Variants in HDAC1 observed in about 807,000 individuals in gnomAD.
HDAC1 encodes the protein protein deacetylase HDAC1.
A neutral mutation model predicts 65.5 loss-of-function variants in HDAC1; 18 were observed. The observed-to-expected ratio is 0.27, with a 90% confidence interval of 0.19 to 0.41. HDAC1 has a LOEUF of 0.41. HDAC1 is among the 10% of genes least tolerant of loss of function. HDAC1 has a pLI of 1.00. For missense variants in HDAC1, 373 were observed against 625.2 expected (o/e 0.60, Z 4.30); for synonymous variants, 211 against 227.9 (o/e 0.93, Z 0.67).
chr1:32,316,446 T>C (rs2148065109), intron 2 of HDAC1, among the ~76,000 whole-genome samples: 1 of 152,358 alleles, frequency 6.6e-6, no homozygotes, highest in South Asian at 2.1e-4. Flanking sequence ...GCAACAGAGC[T>C]TGAGCTGCTG....
rs372936348 is a variant in HDAC1 at position 32,302,449 on chromosome 1, C to CT, written c.50-156dup. Among the ~76,000 whole-genome samples, 314 of 131,976 alleles carry CT rather than the reference C, an allele frequency of 2.4e-3. 1 individual carries two copies. The highest frequency in any genetic ancestry group is 7.6e-3 in the Middle Eastern group (2 of 262). The allele number at this position is 131,976 out of a possible 152,430, so 86.6% of individuals were successfully genotyped here. On this transcript the variant is annotated intron_variant, in intron 1 of 13. Coordinates refer to ENST00000373548, the MANE Select transcript of HDAC1 (RefSeq NM_004964.3). ...AATGTTCACCTCACCAGGGTCCCTG[C>CT]TTTTTTTTTTTTTTTTCTTTTGGAG...
At position 32,330,834 on chromosome 1, in the gene HDAC1, G is replaced by C; in HGVS notation, c.905G>C (p.Gly302Ala). 6.2e-7 allele frequency: 1 copy of C among 1,614,124 alleles called. No individual in the cohort carries two copies. Among genetic ancestry groups the C allele is most frequent in the South Asian group, 1.1e-5 (1 of 91,076 alleles). Residue 302 changes from glycine (G) to alanine (A), a missense_variant, in exon 9 of 14, where the codon GGT (glycine) becomes GCT (alanine). Gly to Ala is a moderately conservative substitution (Grantham distance 60). Around this residue, in one of 4 missense-constraint regions of HDAC1, gnomAD observed 105 missense variants for 192.6 expected, o/e 0.55. Transcript: ENST00000373548. This position sits in a 1 kb window ranked among gnomAD's most constrained non-coding sequence, Gnocchi z 4.2. ...NLPMLMLGGG[G>A]YTIRNVARCW... ...CCTATGCTGATGCTGGGAGGCGGTG[G>C]TTACACCATTCGTAACGTTGCCCGG...
chr1:32,316,766 C>T lies in HDAC1; in HGVS notation c.264C>T (p.Ser88=), dbSNP rs763586186. The change falls in exon 3 of 14, where the codon AGC becomes AGT. Residue 88 remains serine, a synonymous_variant. Coordinates refer to ENST00000373548, the MANE Select transcript of HDAC1 (RefSeq NM_004964.3). ...GTCCAGATAACATGTCGGAGTACAG[C>T]AAGCAGATGCAGAGATGTAAGTCCA... ...SIRPDNMSEY[S]KQMQRFNVGE... 1 of 1,603,494 alleles carries T rather than the reference C, an allele frequency of 6.2e-7. No homozygotes were observed. Among genetic ancestry groups the T allele is most frequent in the Admixed American group, 1.7e-5 (1 of 59,980 alleles).
intron 1 of HDAC1, among the ~76,000 whole-genome samples, chr1:32,294,957 GT>G (rs967715830): frequency 6.6e-6 from 1 of 151,504 alleles, no homozygotes; most frequent in Non-Finnish European, 1.5e-5. Context: ...CTAAGCCACT[GT>G]TTTTTTTGTT....
chr1:32,319,136 T>C (rs1397478290), intron 3 of HDAC1, among the ~76,000 whole-genome samples: 1 of 151,868 alleles, frequency 6.6e-6, no homozygotes, highest in African/African-American at 2.4e-5. Flanking sequence ...AAAAATTCAG[T>C]CTGGGTGCCT....
intron 2 of HDAC1, among the ~76,000 whole-genome samples, chr1:32,306,454 G>A (rs1640913161): frequency 6.6e-6 from 1 of 152,008 alleles, no homozygotes; most frequent in South Asian, 2.1e-4. Flanking sequence ...CATGGCGCCC[G>A]GCCTCTTTTT....
chr1:32,319,834 G>A (rs1003736784), intron 3 of HDAC1, among the ~76,000 whole-genome samples: 1 of 152,238 alleles, frequency 6.6e-6, no homozygotes, highest in Admixed American at 6.5e-5. Flanking sequence ...GATCCCTTGA[G>A]CCCAGTTCAG....
chr1:32,305,912 T>G (rs1025482870), intron 2 of HDAC1, among the ~76,000 whole-genome samples: 18 of 152,108 alleles, frequency 1.2e-4, no homozygotes, highest in African/African-American at 4.1e-4. Flanking sequence ...GCCTGACCCA[T>G]TTCTTTTATA....
intron 1 of HDAC1, among the ~76,000 whole-genome samples, chr1:32,294,852 G>A (rs1640747255): frequency 1.3e-5 from 2 of 150,528 alleles, no homozygotes; most frequent in South Asian, 2.1e-4. Flanking sequence ...CTAGAGATGG[G>A]GTCTCAATAT....
chr1:32,294,220 G>A (rs1557597545), intron 1 of HDAC1, among the ~76,000 whole-genome samples: 2 of 151,128 alleles, frequency 1.3e-5, no homozygotes, highest in African/African-American at 4.9e-5. Flanking sequence ...TCGGCTCACT[G>A]CAACTGCAAC....
chr1:32,311,209 TG>T (rs1640986401), intron 2 of HDAC1, among the ~76,000 whole-genome samples: 2 of 152,180 alleles, frequency 1.3e-5, no homozygotes, highest in African/African-American at 4.8e-5. Context: ...GGCTCATGCC[TG>T]TAACCCTGGC....
At chr1:32,310,473 A>G (rs1196573364) in intron 2 of HDAC1, among the ~76,000 whole-genome samples, 1 of 152,168 alleles carries the variant, frequency 6.6e-6, no homozygotes, top group African/African-American at 2.4e-5. Flanking sequence ...AGCTACTAGC[A>G]AGGCTAAGGC....
intron 2 of HDAC1, among the ~76,000 whole-genome samples, chr1:32,314,328 G>A (rs1255480685): frequency 1.3e-5 from 2 of 152,000 alleles, no homozygotes; most frequent in African/African-American, 2.4e-5. Flanking sequence ...GAGTAGTTAG[G>A]ACTATAGGCA....
At chr1:32,292,272 C>T in intron 1 of HDAC1, 54 bp downstream of exon 1, 1 of 1,545,198 alleles carries the variant, frequency 6.5e-7, no homozygotes, top group South Asian at 1.2e-5. Flanking sequence ...GACCGGGAAC[C>T]TGGAGGCTGA....
intron 3 of HDAC1, among the ~76,000 whole-genome samples, chr1:32,322,131 T>C (rs1641156068): frequency 6.6e-6 from 1 of 152,108 alleles, no homozygotes; most frequent in African/African-American, 2.4e-5. Context: ...GCTCTTCTGC[T>C]CTCACCCCAG....
Position 32,292,166 on chromosome 1 carries a change from C to A in HDAC1, c.-4C>A. 6.5e-7 allele frequency: 1 copy of A among 1,548,222 alleles called. No individual in the cohort carries two copies. The highest frequency in any genetic ancestry group is 1.2e-5 in the South Asian group (1 of 83,962). ...ACTGACGGTAGGGACGGGAGGCGAG[C>A]AAGATGGCGCAGACGCAGGGCACCC... On this transcript the variant is annotated 5_prime_UTR_variant, in exon 1 of 14. Transcript: ENST00000373548.
chr1:32,319,191 G>T (rs1204852465), intron 3 of HDAC1, among the ~76,000 whole-genome samples: 3 of 152,110 alleles, frequency 2.0e-5, no homozygotes, highest in Non-Finnish European at 2.9e-5. Flanking sequence ...GATTTCTTGA[G>T]CCCAGGAGTT....
intron 2 of HDAC1, among the ~76,000 whole-genome samples, chr1:32,313,425 CAG>C (rs1389164504): frequency 6.6e-6 from 1 of 152,106 alleles, no homozygotes; most frequent in Non-Finnish European, 1.5e-5. Context: ...GAGAAAAAGA[CAG>C]GGTCTCACTA....
intron 6 of HDAC1, among the ~76,000 whole-genome samples, chr1:32,328,534 T>G (rs965660358): frequency 6.6e-6 from 1 of 152,190 alleles, no homozygotes; most frequent in African/African-American, 2.4e-5. Flanking sequence ...TTGGCCAGGC[T>G]GGTCTCGAAC....
Sources: gnomAD v4.1 joint callset for allele counts (sites outside exome capture counted in the v4.1 genomes callset) on GRCh38, gnomAD v4.1.1 for gene constraint, gnomAD v4.1.1 regional missense constraint, Gnocchi (gnomAD v3.1) non-coding constraint, MANE v1.5 for transcripts, NCBI Gene and HGNC (gene_info 2026-07-23, HGNC 2026-07-21) for gene names.